The following BCKDHB variants were observed in gnomAD, a reference collection of about 807,000 sequenced individuals.
BCKDHB encodes the protein 2-oxoisovalerate dehydrogenase subunit beta, mitochondrial.
BCKDHB carries 41 observed loss-of-function variants against 48.5 expected under a neutral mutation model. That is an observed-to-expected ratio of 0.85 (90% CI 0.66 to 1.10). BCKDHB has a LOEUF of 1.10. BCKDHB is among the 50% of genes least tolerant of loss of function. BCKDHB has a pLI of 0.00. For synonymous variants in BCKDHB, 201 were observed against 174.8 expected, an observed-to-expected ratio of 1.15 and a Z score of -1.18; for missense variants, 496 against 494.2, an observed-to-expected ratio of 1.00 and a Z score of -0.03.
At chr6:80,380,713 C>G in the BCKDHB span, among the ~76,000 whole-genome samples, 1 of 151,648 alleles carries the variant, frequency 6.6e-6, no homozygotes, top group South Asian at 2.1e-4. Flanking sequence ...CCAGAATCTA[C>G]AAGTAGCTCA....
downstream of BCKDHB, among the ~76,000 whole-genome samples, chr6:80,349,516 G>A (rs990351453): frequency 3.3e-5 from 5 of 152,080 alleles, no homozygotes; most frequent in Admixed American, 2.0e-4. Context: ...TAATAAGAAA[G>A]AACTTAGATT....
intron 6 of BCKDHB, among the ~76,000 whole-genome samples, chr6:80,194,416 C>G (rs1774042427): frequency 6.6e-6 from 1 of 152,178 alleles, no homozygotes; most frequent in Non-Finnish European, 1.5e-5. Flanking sequence ...GCTCTGTTCA[C>G]TTAATTCCAA....
chr6:80,299,986 CAAAG>C (rs980421971), intron 9 of BCKDHB, among the ~76,000 whole-genome samples: 12 of 150,780 alleles, frequency 8.0e-5, no homozygotes, highest in Non-Finnish European at 1.6e-4. Context: ...TAGACAGACT[CAAAG>C]AAAAGGATGG....
At chr6:80,386,814 G>A in the BCKDHB span, among the ~76,000 whole-genome samples, 1 of 152,098 alleles carries the variant, frequency 6.6e-6, no homozygotes, top group Non-Finnish European at 1.5e-5. Context: ...AGGTTGAATG[G>A]ACAAAAGACT....
chr6:80,462,484 G>A, the BCKDHB span, among the ~76,000 whole-genome samples: 9 of 152,288 alleles, frequency 5.9e-5, no homozygotes, highest in Non-Finnish European at 1.3e-4. Context: ...TTTCTTAGCT[G>A]ATGTGCCTTC....
the BCKDHB span, among the ~76,000 whole-genome samples, chr6:80,456,141 G>A: frequency 2.0e-5 from 3 of 151,912 alleles, no homozygotes; most frequent in African/African-American, 7.3e-5. Context: ...CTTGAACCCT[G>A]GAGGCGGAGG....
Position 80,127,085 on chromosome 6 carries a change from G to A in BCKDHB, c.197-462G>A, listed in dbSNP as rs111515642. Among the ~76,000 whole-genome samples the A allele has an allele frequency of 8.5e-3, 1,299 of 152,204 alleles. 10 individuals carry two copies. Among genetic ancestry groups the A allele is most frequent in the Non-Finnish European group, 0.014 (953 of 68,008 alleles). On this transcript the variant is annotated intron_variant, in intron 1 of 9. Coordinates refer to ENST00000320393, the MANE Select transcript of BCKDHB (RefSeq NM_183050.4). ...ATGTTCCAAACTCCAGCAGTTCCGGGTACCAAAGTTTATCTTTACCCTTCC... is the reference window on the plus strand; with the variant it reads ...ATGTTCCAAACTCCAGCAGTTCCGGATACCAAAGTTTATCTTTACCCTTCC...
chr6:80,449,345 A>G, the BCKDHB span, among the ~76,000 whole-genome samples: 2 of 152,208 alleles, frequency 1.3e-5, no homozygotes, highest in Non-Finnish European at 2.9e-5. Flanking sequence ...ATTTGTGTTG[A>G]AAACCTAGTA....
At chr6:80,419,267 G>A in the BCKDHB span, among the ~76,000 whole-genome samples, 1 of 152,158 alleles carries the variant, frequency 6.6e-6, no homozygotes, top group Non-Finnish European at 1.5e-5. Context: ...GGGCTGTTGC[G>A]TGGCTTTAGG....
intron 8 of BCKDHB, among the ~76,000 whole-genome samples, chr6:80,220,675 G>A (rs1042001063): frequency 8.0e-5 from 12 of 150,472 alleles, no homozygotes; most frequent in East Asian, 2.0e-4. Context: ...GGATAAGCCT[G>A]TCTTTGTAGG....
intron 9 of BCKDHB, among the ~76,000 whole-genome samples, chr6:80,290,463 C>T (rs1235625401): frequency 1.3e-5 from 2 of 152,202 alleles, no homozygotes; most frequent in Non-Finnish European, 2.9e-5. Flanking sequence ...CCCCCGCCCA[C>T]TGCGGAGCAT....
At chr6:80,235,130 T>G (rs987296550) in intron 8 of BCKDHB, among the ~76,000 whole-genome samples, 6 of 152,152 alleles carry the variant, frequency 3.9e-5, no homozygotes, top group African/African-American at 1.4e-4. Flanking sequence ...AAGAATTTAT[T>G]GTATATTTCA....
chr6:80,118,631 G>A (rs1170001128), intron 1 of BCKDHB, among the ~76,000 whole-genome samples: 1 of 152,014 alleles, frequency 6.6e-6, no homozygotes, highest in Non-Finnish European at 1.5e-5. Context: ...TACCACAGTA[G>A]AACTTTTTTC....
chr6:80,118,222 A>G (rs969746690), intron 1 of BCKDHB, among the ~76,000 whole-genome samples: 1 of 152,224 alleles, frequency 6.6e-6, no homozygotes, highest in Non-Finnish European at 1.5e-5. Context: ...AATAAAATGA[A>G]TGTTGCAATA....
chr6:80,233,151 T>G (rs1341159508), intron 8 of BCKDHB, among the ~76,000 whole-genome samples: 4 of 152,154 alleles, frequency 2.6e-5, no homozygotes, highest in Admixed American at 2.6e-4. Context: ...AATCATTGTT[T>G]CCATTTTGGC....
At chr6:80,208,475 A>T (rs909614478) in intron 8 of BCKDHB, among the ~76,000 whole-genome samples, 1 of 151,966 alleles carries the variant, frequency 6.6e-6, no homozygotes. Context: ...TAAGAGCAGA[A>T]ATTACTGAAA....
the BCKDHB span, among the ~76,000 whole-genome samples, chr6:80,417,078 G>A: frequency 1.3e-5 from 2 of 152,104 alleles, no homozygotes; most frequent in Non-Finnish European, 2.9e-5. Flanking sequence ...AGATGATTTT[G>A]TTGAATTGAA....
In BCKDHB at chr6:80,120,447, A is replaced by G. The variant is rs561517391; in HGVS notation, c.197-7100A>G. Among the ~76,000 whole-genome samples, 7 of 152,290 alleles carry G rather than the reference A, an allele frequency of 4.6e-5. No homozygotes were observed. In the East Asian group the frequency reaches 1.4e-3, roughly 29 times the overall value. ...TTGAGGAATCTCCACACTGTTTTCC[A>G]CAATGGTTGAACCAATTTACACTCC... On this transcript the variant is annotated intron_variant, in intron 1 of 9. Transcript: ENST00000320393.
the BCKDHB span, chr6:80,355,360 A>T: frequency 7.5e-6 from 1 of 134,198 alleles, no homozygotes; most frequent in African/African-American, 2.8e-5. Flanking sequence ...AGATCGTGCC[A>T]CTGCACTCCA....
Sources: allele counts gnomAD v4.1 joint callset (sites outside exome capture counted in the v4.1 genomes callset), GRCh38; gene constraint gnomAD v4.1.1; transcripts MANE v1.5; gene names NCBI Gene and HGNC (gene_info 2026-07-23, HGNC 2026-07-21).